The following GSTO1 variants were observed in gnomAD, a reference collection of about 807,000 sequenced individuals.
GSTO1 encodes glutathione S-transferase omega 1, also known as glutathione S-transferase omega-1.
In GSTO1, 27 loss-of-function variants were observed where a neutral mutation model predicts 23.8. The ratio of observed to expected loss-of-function variants is 1.13; its 90% CI spans 0.83 to 1.56. GSTO1 has a LOEUF of 1.56. Ranked by LOEUF, GSTO1 falls within the 40% of genes most tolerant of loss-of-function variation. GSTO1 has a pLI of 0.00. For synonymous variants in GSTO1, 105 were observed against 109.3 expected (o/e 0.96, Z 0.25); for missense variants, 255 against 285.8 (o/e 0.89, Z 0.78).
chr10:104,261,929 C>A (rs1242611630), intron 3 of GSTO1, among the ~76,000 whole-genome samples: 1 of 152,188 alleles, frequency 6.6e-6, no homozygotes, highest in Non-Finnish European at 1.5e-5. Flanking sequence ...GGTAGTCGGT[C>A]CCTTTTGAAC....
chr10:104,254,845 A>C, upstream of GSTO1: 1 of 1,313,222 alleles, frequency 7.6e-7, no homozygotes, highest in Non-Finnish European at 1.1e-6. Context: ...GAAGCGGGGG[A>C]GGGAAGGAGG....
chr10:104,265,632 T>C (rs17885241), intron 4 of GSTO1, among the ~76,000 whole-genome samples: 4,559 of 152,316 alleles, frequency 0.03, 100 homozygotes, highest in South Asian at 0.11. Context: ...CTTGGGTGTA[T>C]AGTGTTATTG....
chr10:104,258,544 C>CA (rs1564836271), intron 2 of GSTO1, among the ~76,000 whole-genome samples: 1 of 152,144 alleles, frequency 6.6e-6, no homozygotes, highest in Admixed American at 6.5e-5. Context: ...AACTCAACAA[C>CA]AAAAAAACCT....
intron 3 of GSTO1, among the ~76,000 whole-genome samples, chr10:104,260,044 A>G (rs2135057522): frequency 6.6e-6 from 1 of 152,114 alleles, no homozygotes; most frequent in Admixed American, 6.5e-5. Flanking sequence ...GAATTCCCAA[A>G]TTCGCCCCTT....
intron 3 of GSTO1, among the ~76,000 whole-genome samples, chr10:104,262,053 G>T (rs556307498): frequency 6.6e-6 from 1 of 152,242 alleles, no homozygotes; most frequent in East Asian, 1.9e-4. Flanking sequence ...CACACATAGA[G>T]TTCAAATCAG....
intron 2 of GSTO1, among the ~76,000 whole-genome samples, chr10:104,258,178 G>A (rs1470486467): frequency 6.6e-6 from 1 of 152,208 alleles, no homozygotes; most frequent in Non-Finnish European, 1.5e-5. Flanking sequence ...ATGTGTGTTT[G>A]ACCTGGGAAG....
At chr10:104,259,511 TGA>T in intron 2 of GSTO1, 63 bp from the exon 3 acceptor site, 1 of 1,005,156 alleles carries the variant, frequency 9.9e-7, no homozygotes, top group Non-Finnish European at 1.5e-6. Context: ...GCAAAGCCAG[TGA>T]GAATTTATCC....
chr10:104,260,659 CAAG>C (rs1356207164), intron 3 of GSTO1, among the ~76,000 whole-genome samples: 2 of 152,024 alleles, frequency 1.3e-5, no homozygotes, highest in Non-Finnish European at 2.9e-5. Flanking sequence ...GTTTAGACAC[CAAG>C]AATAGCATGT....
intron 3 of GSTO1, among the ~76,000 whole-genome samples, chr10:104,262,390 T>A (rs578257074): frequency 6.6e-6 from 1 of 152,126 alleles, no homozygotes. Flanking sequence ...TCCCAATAAT[T>A]CTATGAGCCA....
At chr10:104,255,708 C>T (rs895192250) in intron 2 of GSTO1, among the ~76,000 whole-genome samples, 1 of 152,172 alleles carries the variant, frequency 6.6e-6, no homozygotes, top group African/African-American at 2.4e-5. Flanking sequence ...GTAATTTACC[C>T]CAGTACAGCA....
At chr10:104,260,578 C>T (rs1401250484) in intron 3 of GSTO1, among the ~76,000 whole-genome samples, 1 of 152,128 alleles carries the variant, frequency 6.6e-6, no homozygotes, top group Non-Finnish European at 1.5e-5. Flanking sequence ...CTGTTTGTAC[C>T]TTACTTAGCA....
chr10:104,258,907 G>A (rs973526291), intron 2 of GSTO1, among the ~76,000 whole-genome samples: 1 of 152,108 alleles, frequency 6.6e-6, no homozygotes, highest in Non-Finnish European at 1.5e-5. Context: ...ACACATATAT[G>A]AAAAAGTTCT....
rs2011209687 is a variant in GSTO1 at position 104,267,455 on chromosome 10, A to G, written c.*50A>G. On this transcript the variant is annotated 3_prime_UTR_variant, in exon 6 of 6. Coordinates refer to ENST00000369713, the MANE Select transcript of GSTO1 (RefSeq NM_004832.3). The stretch of plus-strand genomic sequence containing the variant: ...CTATGTCTGATATTTTCCTTCACTA[A>G]TATGAATAATAGCATGCTTTTATTT... The G allele has an allele frequency of 7.3e-7, 1 of 1,368,516 alleles. No individual in the cohort carries two copies. The highest frequency in any genetic ancestry group is 1.0e-6 in the Non-Finnish European group (1 of 1,000,012). The allele number at this position is 1,368,516 out of a possible 1,614,324, so 84.8% of individuals were successfully genotyped here.
At chr10:104,264,736 A>G (rs1199680480) in intron 4 of GSTO1, among the ~76,000 whole-genome samples, 1 of 152,236 alleles carries the variant, frequency 6.6e-6, no homozygotes, top group Non-Finnish European at 1.5e-5. Context: ...CAACCTACAG[A>G]GCATCATAGC....
chr10:104,263,967 C>G (rs549289348), intron 4 of GSTO1, among the ~76,000 whole-genome samples: 1 of 151,228 alleles, frequency 6.6e-6, no homozygotes, highest in East Asian at 1.9e-4. Flanking sequence ...ATAAAACCTA[C>G]TTGTTCTCTA....
intron 2 of GSTO1, among the ~76,000 whole-genome samples, chr10:104,256,658 T>C (rs1345208831): frequency 6.6e-6 from 1 of 152,190 alleles, no homozygotes; most frequent in Non-Finnish European, 1.5e-5. Flanking sequence ...CCACATGATA[T>C]GACTTAACAA....
At chr10:104,260,771 G>T (rs2011132027) in intron 3 of GSTO1, among the ~76,000 whole-genome samples, 2 of 152,292 alleles carry the variant, frequency 1.3e-5, no homozygotes, top group African/African-American at 4.8e-5. Context: ...CCCTAAGAGA[G>T]AGTTATAGGG....
chr10:104,254,636 T>A (rs542347289), upstream of GSTO1: 14 of 506,808 alleles, frequency 2.8e-5, no homozygotes, highest in East Asian at 5.2e-4. Flanking sequence ...GAGTGCGGAG[T>A]GGTGACCCCT....
chr10:104,255,282 A>T lies in GSTO1; in HGVS notation c.143+11A>T. ...GGCCAAGGGAATCAGGTGGGCACCCAGGCGGGGGACGCTCCCCGAGCCGTC... is the reference window on the plus strand; with the variant it reads ...GGCCAAGGGAATCAGGTGGGCACCCTGGCGGGGGACGCTCCCCGAGCCGTC... On this transcript the variant is annotated intron_variant, in intron 2 of 5. Coordinates refer to ENST00000369713, the MANE Select transcript of GSTO1 (RefSeq NM_004832.3). The T allele has an allele frequency of 6.4e-7, 1 of 1,574,464 alleles. No homozygotes were observed.
Sources: allele counts gnomAD v4.1 joint callset (sites outside exome capture counted in the v4.1 genomes callset), GRCh38; gene constraint gnomAD v4.1.1; transcripts MANE v1.5; gene names NCBI Gene and HGNC (gene_info 2026-07-23, HGNC 2026-07-21).